Variants in HS3ST1 observed in about 807,000 individuals in gnomAD.
HS3ST1 encodes the protein heparan sulfate glucosamine 3-O-sulfotransferase 1.
Under a neutral mutation model 20.7 loss-of-function variants are expected in HS3ST1, and 8 were observed. The observed-to-expected ratio is 0.39, with a 90% CI of 0.23 to 0.70. HS3ST1 has a LOEUF of 0.70. Ranked by LOEUF, HS3ST1 falls within the 30% of genes least tolerant of loss-of-function variation. The probability of loss-of-function intolerance (pLI) is 0.46; values close to 1 mark genes in which losing one functional copy is unlikely to be tolerated. For missense variants in HS3ST1, 436 were observed against 423.4 expected (o/e 1.03, Z -0.26); for synonymous variants, 205 against 190.4 (o/e 1.08, Z -0.63).
intron 1 of HS3ST1, among the ~76,000 whole-genome samples, chr4:11,402,140 C>G (rs1162095987): frequency 6.6e-6 from 1 of 152,210 alleles, no homozygotes; most frequent in African/African-American, 2.4e-5. Flanking sequence ...AAAGGAAGAA[C>G]AAATTCCAGG....
At chr4:11,405,088 C>T (rs772002388) in intron 1 of HS3ST1, among the ~76,000 whole-genome samples, 8 of 152,190 alleles carry the variant, frequency 5.3e-5, no homozygotes, top group African/African-American at 1.9e-4. Context: ...TTCTTTGGTC[C>T]TGTTGAATAG....
intron 1 of HS3ST1, among the ~76,000 whole-genome samples, chr4:11,412,005 CTG>C (rs1180015927): frequency 1.3e-5 from 2 of 152,162 alleles, no homozygotes; most frequent in South Asian, 2.1e-4. Context: ...GGAGGTGTGA[CTG>C]TGTGAACTGT....
At chr4:11,426,959 T>C (rs1440212604) in intron 1 of HS3ST1, among the ~76,000 whole-genome samples, 1 of 152,306 alleles carries the variant, frequency 6.6e-6, no homozygotes, top group African/African-American at 2.4e-5. Context: ...GGAATTTCAG[T>C]AGGTAAGGCT....
At chr4:11,426,373 C>CA (rs1553858481) in intron 1 of HS3ST1, among the ~76,000 whole-genome samples, 7 of 151,212 alleles carry the variant, frequency 4.6e-5, no homozygotes, top group East Asian at 1.9e-4. Flanking sequence ...GCCCCCCCCC[C>CA]AACCCTCACA....
chr4:11,415,855 A>G (rs762466604), intron 1 of HS3ST1, among the ~76,000 whole-genome samples: 1 of 152,220 alleles, frequency 6.6e-6, no homozygotes. Flanking sequence ...CTAAATGAAT[A>G]GGGCCCACTG....
chr4:11,424,037 G>GAAAAAA, intron 1 of HS3ST1, among the ~76,000 whole-genome samples: 1 of 112,910 alleles, frequency 8.9e-6, no homozygotes, highest in African/African-American at 3.2e-5. Context: ...AGTCTATCTT[G>GAAAAAA]AAAAAAAAAA....
At chr4:11,427,169 TA>T (rs1719082160) in intron 1 of HS3ST1, among the ~76,000 whole-genome samples, 1 of 151,964 alleles carries the variant, frequency 6.6e-6, no homozygotes, top group Non-Finnish European at 1.5e-5. Context: ...TTCAACAAAA[TA>T]AAATGAGATT....
chr4:11,406,426 A>G (rs550981122), intron 1 of HS3ST1, among the ~76,000 whole-genome samples: 25 of 152,286 alleles, frequency 1.6e-4, no homozygotes, highest in Admixed American at 1.4e-3. Context: ...GGGTGTCATC[A>G]TAATTAAATA....
intron 1 of HS3ST1, among the ~76,000 whole-genome samples, chr4:11,427,795 C>G (rs962064503): frequency 2.6e-5 from 4 of 152,236 alleles, no homozygotes; most frequent in African/African-American, 9.6e-5. Flanking sequence ...CCATCCCGCG[C>G]CGGCACCCGG....
intron 1 of HS3ST1, among the ~76,000 whole-genome samples, chr4:11,402,995 T>C (rs1560232006): frequency 1.3e-5 from 2 of 152,280 alleles, no homozygotes; most frequent in Admixed American, 1.3e-4. Context: ...ATGTATTTAC[T>C]TATGTCTAGA....
intron 1 of HS3ST1, among the ~76,000 whole-genome samples, chr4:11,415,323 C>A (rs1718746906): frequency 6.6e-6 from 1 of 152,098 alleles, no homozygotes. Flanking sequence ...CACTCTGGGC[C>A]TAATTTCCCT....
intron 1 of HS3ST1, 22 bp from the exon 2 acceptor site, chr4:11,400,135 T>C: frequency 7.0e-7 from 1 of 1,422,804 alleles, no homozygotes; most frequent in Non-Finnish European, 9.2e-7. Flanking sequence ...AAAGGGAAGA[T>C]ATTAACATAT....
At chr4:11,403,350 G>A (rs141528286) in intron 1 of HS3ST1, among the ~76,000 whole-genome samples, 228 of 152,272 alleles carry the variant, frequency 1.5e-3, no homozygotes, top group African/African-American at 5.2e-3. Flanking sequence ...GGTCCTTTTT[G>A]TAACACTCTC....
intron 1 of HS3ST1, chr4:11,428,345 A>G (rs62295620): frequency 0.092 from 14,027 of 152,308 alleles, 869 homozygotes; most frequent in Middle Eastern, 0.2. Context: ...GCTGCCCTAC[A>G]GGGTCCTATG....
chr4:11,412,435 G>A lies in HS3ST1; in HGVS notation c.-108-12322C>T, dbSNP rs559214634. Among the ~76,000 whole-genome samples the A allele has an allele frequency of 3.8e-3, 573 of 152,280 alleles. 1 individual carries two copies. Among genetic ancestry groups the A allele is most frequent in the Middle Eastern group, 0.017 (5 of 294 alleles). On this transcript the variant is annotated intron_variant, in intron 1 of 1. Transcript: ENST00000002596. The stretch of plus-strand genomic sequence containing the variant: ...CCAGAATTTCAAGAGAATTTTCCAA[G>A]AGCCACGGAATCCAAAATTCCTAGC...
At position 11,394,214 on chromosome 4, in the gene HS3ST1, T is replaced by A. The variant is rs1204856772; in HGVS notation, c.*4868A>T. 6.6e-6 allele frequency: 1 copy of A among 152,120 alleles called. No individual in the cohort carries two copies. The highest frequency in any genetic ancestry group is 1.5e-5 in the Non-Finnish European group (1 of 68,030). 9.4% of individuals were successfully genotyped at this position (152,120 alleles called of 1,614,324 possible). On this transcript the variant is annotated 3_prime_UTR_variant, in exon 2 of 2. Transcript: ENST00000002596. ...ATTTTTATGGAGAAGGAAATGGAGGTTCTCAGAGTCTGAATCTAAGATCCC... is the reference window on the plus strand; with the variant it reads ...ATTTTTATGGAGAAGGAAATGGAGGATCTCAGAGTCTGAATCTAAGATCCC...
intron 1 of HS3ST1, among the ~76,000 whole-genome samples, chr4:11,406,758 C>T (rs1241048494): frequency 3.9e-5 from 6 of 152,144 alleles, no homozygotes; most frequent in Non-Finnish European, 2.9e-5. Context: ...TACTGTTATG[C>T]GAGAACTGCT....
chr4:11,424,860 CA>C (rs3070505), intron 1 of HS3ST1, among the ~76,000 whole-genome samples: 52,552 of 144,946 alleles, frequency 0.36, 9,872 homozygotes, highest in Admixed American at 0.53. Flanking sequence ...CCATCTCCCA[CA>C]AAAAAAAAAA....
intron 1 of HS3ST1, among the ~76,000 whole-genome samples, chr4:11,413,818 T>C (rs946214558): frequency 6.6e-6 from 1 of 152,208 alleles, no homozygotes; most frequent in African/African-American, 2.4e-5. Context: ...TTTGGTCTTA[T>C]TCATACTTTA....
Sources: allele counts gnomAD v4.1 joint callset (sites outside exome capture counted in the v4.1 genomes callset), GRCh38; gene constraint gnomAD v4.1.1; transcripts MANE v1.5; gene names NCBI Gene and HGNC (gene_info 2026-07-23, HGNC 2026-07-21).